The following ARRB1 variants were observed in gnomAD, a reference collection of about 807,000 sequenced individuals.
ARRB1 encodes arrestin beta 1.
In ARRB1, 21 loss-of-function variants were observed where a neutral mutation model predicts 56.8. The observed-to-expected ratio is 0.37, with a 90% CI of 0.26 to 0.53. The LOEUF (loss-of-function observed/expected upper bound fraction) is 0.53. Among genes scored for constraint, ARRB1 ranks in the 20% least tolerant of loss-of-function variants. The probability of loss-of-function intolerance (pLI) is 0.88; values close to 1 mark genes in which losing one functional copy is unlikely to be tolerated. For missense variants in ARRB1, 424 were observed against 553.7 expected (o/e 0.77, Z 2.35); for synonymous variants, 210 against 218.6 (o/e 0.96, Z 0.35).
At chr11:75,316,378 A>G (rs750498218) in intron 1 of ARRB1, among the ~76,000 whole-genome samples, 8 of 152,200 alleles carry the variant, frequency 5.3e-5, no homozygotes, top group Non-Finnish European at 8.8e-5. Flanking sequence ...TCATCTATAG[A>G]AAAGAGGTGA....
At chr11:75,310,349 G>A (rs1039552978) in intron 1 of ARRB1, among the ~76,000 whole-genome samples, 2 of 152,170 alleles carry the variant, frequency 1.3e-5, no homozygotes, top group Admixed American at 6.5e-5. Flanking sequence ...AGAGGCACTG[G>A]GAACACCAAG....
intron 1 of ARRB1, among the ~76,000 whole-genome samples, chr11:75,323,968 G>GA (rs1003730499): frequency 6.6e-5 from 10 of 150,678 alleles, no homozygotes; most frequent in Admixed American, 3.3e-4. Flanking sequence ...AGATACTGAA[G>GA]AAAAAAAAAC....
intron 1 of ARRB1, among the ~76,000 whole-genome samples, chr11:75,290,246 G>C (rs942947331): frequency 3.3e-5 from 5 of 152,202 alleles, no homozygotes; most frequent in African/African-American, 1.2e-4. Context: ...GCTCTCCTGG[G>C]CTACGCAACA....
At chr11:75,343,787 T>G (rs1444218955) in intron 1 of ARRB1, among the ~76,000 whole-genome samples, 2 of 151,782 alleles carry the variant, frequency 1.3e-5, no homozygotes, top group Non-Finnish European at 1.5e-5. Context: ...GAAGGCTTCC[T>G]GGAGGAAGTG....
At chr11:75,285,142 G>A (rs1248991279) in intron 3 of ARRB1, among the ~76,000 whole-genome samples, 1 of 152,222 alleles carries the variant, frequency 6.6e-6, no homozygotes, top group African/African-American at 2.4e-5. Flanking sequence ...CAGAGCTTGG[G>A]CTTGGCACAT....
chr11:75,348,276 G>T (rs1947802077), intron 1 of ARRB1, among the ~76,000 whole-genome samples: 1 of 152,132 alleles, frequency 6.6e-6, no homozygotes, highest in African/African-American at 2.4e-5. Context: ...CGCCCCCTTG[G>T]CCTATTCATC....
chr11:75,288,107 C>T (rs1256943553), intron 2 of ARRB1, among the ~76,000 whole-genome samples: 2 of 152,240 alleles, frequency 1.3e-5, no homozygotes, highest in African/African-American at 4.8e-5. Flanking sequence ...AGGTGATCAG[C>T]CTGCCTCAGC....
chr11:75,330,566 T>G (rs1947506081), intron 1 of ARRB1, among the ~76,000 whole-genome samples: 1 of 152,212 alleles, frequency 6.6e-6, no homozygotes, highest in Non-Finnish European at 1.5e-5. Context: ...CGAAGAAATA[T>G]AAACAGTTTG....
chr11:75,304,722 C>G (rs1946982505), intron 1 of ARRB1, among the ~76,000 whole-genome samples: 1 of 151,560 alleles, frequency 6.6e-6, no homozygotes, highest in African/African-American at 2.4e-5. Flanking sequence ...GTCAGTCCCC[C>G]CAAACCCCCC....
At chr11:75,335,974 G>A (rs911198424) in intron 1 of ARRB1, among the ~76,000 whole-genome samples, 7 of 152,164 alleles carry the variant, frequency 4.6e-5, no homozygotes, top group African/African-American at 1.2e-4. Context: ...CTTTCCACAC[G>A]TGACAACTCA....
intron 12 of ARRB1, among the ~76,000 whole-genome samples, chr11:75,272,022 G>C (rs941500055): frequency 6.6e-6 from 1 of 152,200 alleles, no homozygotes; most frequent in Non-Finnish European, 1.5e-5. Context: ...TCCCAAGGGA[G>C]GCCGGACTAT....
intron 1 of ARRB1, among the ~76,000 whole-genome samples, chr11:75,311,377 A>G (rs1164461060): frequency 6.6e-6 from 1 of 152,212 alleles, no homozygotes; most frequent in Non-Finnish European, 1.5e-5. Context: ...GGCCACAGCA[A>G]TTCCGAGAAA....
chr11:75,302,051 C>T (rs1946917075), intron 1 of ARRB1, among the ~76,000 whole-genome samples: 1 of 152,158 alleles, frequency 6.6e-6, no homozygotes, highest in Non-Finnish European at 1.5e-5. Context: ...CAGGGAGACT[C>T]GCTAGTGTGC....
chr11:75,324,090 G>T (rs1301496418), intron 1 of ARRB1, among the ~76,000 whole-genome samples: 1 of 152,206 alleles, frequency 6.6e-6, no homozygotes, highest in Non-Finnish European at 1.5e-5. Context: ...TAGAAATGTT[G>T]TTTCTAAATG....
intron 14 of ARRB1, 62 bp downstream of exon 14, chr11:75,268,827 T>C: frequency 6.4e-7 from 1 of 1,570,952 alleles, no homozygotes; most frequent in Middle Eastern, 1.7e-4. Flanking sequence ...CGGGGTGGGT[T>C]ACAGGGTCAC....
At chr11:75,277,224 C>T (rs1352604498) in intron 9 of ARRB1, 140 bp downstream of exon 9, 2 of 898,318 alleles carry the variant, frequency 2.2e-6, no homozygotes, top group Non-Finnish European at 3.5e-6. Flanking sequence ...AAGCTTTGCC[C>T]TGTGGCTCAG....
Position 75,283,472 on chromosome 11 carries a change from G to T in ARRB1, c.169C>A (p.Leu57Met). 6.2e-7 allele frequency: 1 copy of T among 1,611,126 alleles called. No homozygotes were observed. Among genetic ancestry groups the T allele is most frequent in the Non-Finnish European group, 8.5e-7 (1 of 1,178,332 alleles). ...YLKERRVYVT[L>M]TCAFRYGRED... ...CGGCCATAGCGGAAGGCGCAGGTCA[G>T]CGTCACATAGACTGTGGGGAGCGAG... Residue 57 changes from leucine to methionine, a missense_variant, in exon 5 of 16, where the codon CTG becomes ATG. By Grantham distance (15) the Leu-to-Met change is conservative. This residue lies in a region of ARRB1 where 301 missense variants were observed against 387.9 expected (regional missense o/e 0.78). Transcript: ENST00000420843.
intron 1 of ARRB1, among the ~76,000 whole-genome samples, chr11:75,340,981 C>T (rs761691739): frequency 3.3e-5 from 5 of 152,126 alleles, no homozygotes; most frequent in African/African-American, 1.2e-4. Flanking sequence ...GGAGCTTCTC[C>T]GCTGGCCGGC....
intron 1 of ARRB1, among the ~76,000 whole-genome samples, chr11:75,313,455 G>T (rs771209118): frequency 6.6e-6 from 1 of 152,362 alleles, no homozygotes; most frequent in East Asian, 1.9e-4. Flanking sequence ...GCTAGGGGGA[G>T]AGTCTGAGGA....
Sources: gnomAD v4.1 joint callset for allele counts (sites outside exome capture counted in the v4.1 genomes callset) on GRCh38, gnomAD v4.1.1 for gene constraint, gnomAD v4.1.1 regional missense constraint, MANE v1.5 for transcripts, NCBI Gene and HGNC (gene_info 2026-07-23, HGNC 2026-07-21) for gene names.